Variants in STX8 observed in about 807,000 individuals in gnomAD.
STX8 encodes the protein syntaxin 8.
In STX8, 23 loss-of-function variants were observed where a neutral mutation model predicts 37.5. The observed-to-expected ratio is 0.61, with a 90% CI of 0.44 to 0.87. The LOEUF (loss-of-function observed/expected upper bound fraction) is 0.87, where lower values mean the gene tolerates loss of function less well. STX8 is among the 40% of genes least tolerant of loss of function. The pLI, the probability that STX8 is intolerant of heterozygous loss-of-function variation, is 0.00. For synonymous variants in STX8, 115 were observed against 99.1 expected (o/e 1.16, Z -0.95); for missense variants, 313 against 284.7 (o/e 1.10, Z -0.71).
chr17:9,513,566 G>C (rs1905086055), intron 4 of STX8, among the ~76,000 whole-genome samples: 1 of 152,216 alleles, frequency 6.6e-6, no homozygotes, highest in Non-Finnish European at 1.5e-5. Flanking sequence ...CTTATACACA[G>C]ATGGTGGAAA....
intron 6 of STX8, among the ~76,000 whole-genome samples, chr17:9,473,175 C>T (rs1440259563): frequency 2.6e-5 from 4 of 152,034 alleles, no homozygotes; most frequent in African/African-American, 9.7e-5. Flanking sequence ...CACCACCACA[C>T]CTGGCTAATT....
At chr17:9,458,343 G>T (rs1376357469) in intron 6 of STX8, among the ~76,000 whole-genome samples, 1 of 152,062 alleles carries the variant, frequency 6.6e-6, no homozygotes, top group African/African-American at 2.4e-5. Flanking sequence ...TAGAGATGGG[G>T]TTTCACCGTG....
intron 4 of STX8, among the ~76,000 whole-genome samples, chr17:9,516,343 AGACACC>A: frequency 2.3e-5 from 3 of 131,114 alleles, no homozygotes; most frequent in South Asian, 2.4e-4. Flanking sequence ...ATATATATAT[AGACACC>A]TGTTAGAAAA....
chr17:9,394,381 T>A (rs1174495900), intron 6 of STX8, among the ~76,000 whole-genome samples: 2 of 151,340 alleles, frequency 1.3e-5, no homozygotes, highest in Admixed American at 1.3e-4. Context: ...TTTATTTAAA[T>A]TCATTTTTTT....
chr17:9,461,456 A>T (rs1453899791), intron 6 of STX8: 2 of 152,174 alleles, frequency 1.3e-5, no homozygotes, highest in Admixed American at 6.5e-5. Context: ...GGTGCTAGAG[A>T]TAGAGACAGA....
At chr17:9,360,191 T>C (rs573312657) in intron 7 of STX8, among the ~76,000 whole-genome samples, 1 of 151,664 alleles carries the variant, frequency 6.6e-6, no homozygotes, top group Non-Finnish European at 1.5e-5. Flanking sequence ...AAACTTTCTA[T>C]TGTGGGCAAA....
intron 7 of STX8, among the ~76,000 whole-genome samples, chr17:9,294,546 C>T (rs796761149): frequency 6.6e-6 from 1 of 152,130 alleles, no homozygotes; most frequent in Non-Finnish European, 1.5e-5. Context: ...AAGGAGCAGA[C>T]AGGAATCAGG....
At chr17:9,290,476 G>A (rs1173430994) in intron 7 of STX8, among the ~76,000 whole-genome samples, 3 of 152,114 alleles carry the variant, frequency 2.0e-5, no homozygotes, top group South Asian at 2.1e-4. Context: ...GCGCGTATAC[G>A]CACAAACACA....
rs537998637 is a variant in STX8, at chr17:9,455,741, C to A, written c.541+36088G>T. Among the ~76,000 whole-genome samples the A allele has an allele frequency of 5.3e-5, 8 of 152,278 alleles. No homozygotes were observed. In the South Asian group the frequency reaches 1.2e-3, roughly 24 times the overall value. ...CTTAAAATATGGACAGGAATACAGACACTTCAGCAACAGTCAATGTCCTCT... is the reference window on the plus strand; with the variant it reads ...CTTAAAATATGGACAGGAATACAGAAACTTCAGCAACAGTCAATGTCCTCT... On this transcript the variant is annotated intron_variant, in intron 6 of 7. Coordinates refer to ENST00000306357, the MANE Select transcript of STX8 (RefSeq NM_004853.3).
At chr17:9,458,828 A>ATT (rs140952416) in intron 6 of STX8, among the ~76,000 whole-genome samples, 1 of 122,034 alleles carries the variant, frequency 8.2e-6, no homozygotes, top group Non-Finnish European at 1.8e-5. Flanking sequence ...CAGTTATTTA[A>ATT]TTTTTTTTTT....
intron 6 of STX8, among the ~76,000 whole-genome samples, chr17:9,489,815 C>T (rs528562611): frequency 1.3e-5 from 2 of 151,616 alleles, no homozygotes; most frequent in Admixed American, 6.6e-5. Flanking sequence ...CAGCCTCCCG[C>T]GTAGCTGGGA....
intron 7 of STX8, among the ~76,000 whole-genome samples, chr17:9,308,753 A>G (rs1042501997): frequency 6.7e-6 from 1 of 148,932 alleles, no homozygotes; most frequent in African/African-American, 2.5e-5. Flanking sequence ...AAGGAATTCT[A>G]GTTTCTATGG....
At chr17:9,378,027 T>C (rs1352217270) in intron 7 of STX8, 3 of 154,280 alleles carry the variant, frequency 1.9e-5, no homozygotes, top group African/African-American at 7.2e-5. Context: ...CCACCCTAGA[T>C]CTACTCAATC....
chr17:9,494,399 C>T (rs541454203), intron 5 of STX8, among the ~76,000 whole-genome samples: 2 of 151,404 alleles, frequency 1.3e-5, no homozygotes, highest in Non-Finnish European at 2.9e-5. Flanking sequence ...GGGGCTGAAG[C>T]GGGCAGATCA....
chr17:9,497,764 CTTCTTT>C (rs1290787501), intron 5 of STX8, among the ~76,000 whole-genome samples: 1 of 152,130 alleles, frequency 6.6e-6, no homozygotes, highest in African/African-American at 2.4e-5. Flanking sequence ...CATGAGACTT[CTTCTTT>C]TTCTATGTCT....
intron 7 of STX8, among the ~76,000 whole-genome samples, chr17:9,351,209 T>C (rs1023079987): frequency 1.5e-5 from 2 of 134,554 alleles, no homozygotes; most frequent in Non-Finnish European, 3.1e-5. Context: ...TGAGACGGAG[T>C]CTCACACTGT....
At chr17:9,431,703 A>T (rs1436505620) in intron 6 of STX8, among the ~76,000 whole-genome samples, 1 of 152,196 alleles carries the variant, frequency 6.6e-6, no homozygotes, top group Non-Finnish European at 1.5e-5. Flanking sequence ...AAAAGTAACA[A>T]GGTAAGGCTC....
At chr17:9,347,578 C>T (rs1054432540) in intron 7 of STX8, among the ~76,000 whole-genome samples, 11 of 152,122 alleles carry the variant, frequency 7.2e-5, no homozygotes, top group African/African-American at 2.2e-4. Flanking sequence ...TGCAGTGGCA[C>T]GACGTCAGCT....
intron 6 of STX8, among the ~76,000 whole-genome samples, chr17:9,410,276 TGATAAA>T (rs1424922293): frequency 6.6e-6 from 1 of 152,248 alleles, no homozygotes. Flanking sequence ...TTATATCTGC[TGATAAA>T]GAATCATCTG....
Sources: gnomAD v4.1 joint callset for allele counts (sites outside exome capture counted in the v4.1 genomes callset) on GRCh38, gnomAD v4.1.1 for gene constraint, MANE v1.5 for transcripts, NCBI Gene and HGNC (gene_info 2026-07-23, HGNC 2026-07-21) for gene names.